The following NRXN3 variants were observed in gnomAD, a reference collection of about 807,000 sequenced individuals.
The protein encoded by NRXN3 is neurexin 3.
In NRXN3, 32 loss-of-function variants were observed where a neutral mutation model predicts 137.6. The observed-to-expected ratio is 0.23, with a 90% CI of 0.18 to 0.31. NRXN3 has a LOEUF of 0.31. NRXN3 is among the 10% of genes least tolerant of loss of function. NRXN3 has a pLI of 1.00. For missense variants in NRXN3, 1,574 were observed against 2,062.5 expected (o/e 0.76, Z 4.59); for synonymous variants, 798 against 784.5 (o/e 1.02, Z -0.29).
At chr14:79,477,103 G>T (rs1280953740) in intron 16 of NRXN3, among the ~76,000 whole-genome samples, 2 of 152,030 alleles carry the variant, frequency 1.3e-5, no homozygotes, top group East Asian at 3.9e-4. Context: ...TAAAAATACT[G>T]CTGGTTGCTG....
chr14:78,766,932 A>G (rs1458484282), intron 8 of NRXN3, among the ~76,000 whole-genome samples: 1 of 152,218 alleles, frequency 6.6e-6, no homozygotes, highest in Non-Finnish European at 1.5e-5. Context: ...AAGGTCCTCA[A>G]CACTCAGATT....
At chr14:79,558,717 A>G (rs944317657) in intron 16 of NRXN3, among the ~76,000 whole-genome samples, 1 of 152,134 alleles carries the variant, frequency 6.6e-6, no homozygotes, top group African/African-American at 2.4e-5. Context: ...GATTTTGGGA[A>G]TGGCAAATGA....
chr14:78,355,135 G>A (rs2084088125), intron 4 of NRXN3, among the ~76,000 whole-genome samples: 1 of 152,176 alleles, frequency 6.6e-6, no homozygotes, highest in Admixed American at 6.5e-5. Flanking sequence ...GTTTCCTCAT[G>A]TCCTTAACTA....
chr14:79,679,887 C>T (rs952810699), intron 17 of NRXN3, among the ~76,000 whole-genome samples: 1 of 152,126 alleles, frequency 6.6e-6, no homozygotes, highest in Non-Finnish European at 1.5e-5. Context: ...TGAGTCATGA[C>T]GTAACTATAA....
intron 15 of NRXN3, among the ~76,000 whole-genome samples, chr14:79,187,349 A>G (rs2153160817): frequency 6.6e-6 from 1 of 152,328 alleles, no homozygotes; most frequent in South Asian, 2.1e-4. Flanking sequence ...AAATGGTTCA[A>G]ATTCATTATC....
intron 15 of NRXN3, among the ~76,000 whole-genome samples, chr14:79,275,005 T>A (rs2080064631): frequency 6.6e-6 from 1 of 152,234 alleles, no homozygotes; most frequent in South Asian, 2.1e-4. Flanking sequence ...TTCTCTTCTA[T>A]ATCTCCAAAT....
At chr14:78,894,393 A>G (rs1000617156) in intron 10 of NRXN3, among the ~76,000 whole-genome samples, 38 of 151,954 alleles carry the variant, frequency 2.5e-4, no homozygotes, top group African/African-American at 9.2e-4. Context: ...GCTCATCTAT[A>G]GAAGCAACTC....
At chr14:78,871,596 A>G (rs373124514) in intron 10 of NRXN3, among the ~76,000 whole-genome samples, 1 of 152,120 alleles carries the variant, frequency 6.6e-6, no homozygotes, top group African/African-American at 2.4e-5. Context: ...ATTTGTGTGG[A>G]TTGATTTGTA....
At chr14:78,494,816 A>G (rs1370964430) in intron 4 of NRXN3, among the ~76,000 whole-genome samples, 1 of 152,086 alleles carries the variant, frequency 6.6e-6, no homozygotes, top group East Asian at 1.9e-4. Context: ...CTGTCATCCC[A>G]TCATTTTCTC....
At chr14:78,230,328 GTCTCTCTCTC>G (rs112795410) in intron 1 of NRXN3, among the ~76,000 whole-genome samples, 3 of 148,730 alleles carry the variant, frequency 2.0e-5, no homozygotes, top group Non-Finnish European at 3.0e-5. Context: ...GTCTCTGTCT[GTCTCTCTCTC>G]TCTCTCTCTC....
At chr14:78,990,743 A>C (rs1030727161) in intron 15 of NRXN3, among the ~76,000 whole-genome samples, 1 of 152,124 alleles carries the variant, frequency 6.6e-6, no homozygotes, top group Non-Finnish European at 1.5e-5. Flanking sequence ...TTTTAATGAA[A>C]TCCAACCAAA....
At chr14:78,383,282 A>T (rs1015806174) in intron 4 of NRXN3, among the ~76,000 whole-genome samples, 6 of 152,152 alleles carry the variant, frequency 3.9e-5, no homozygotes, top group Non-Finnish European at 5.9e-5. Flanking sequence ...TCCTCTGGCC[A>T]TGCTCATTTC....
intron 15 of NRXN3, among the ~76,000 whole-genome samples, chr14:78,995,931 T>C (rs1243776892): frequency 6.6e-6 from 1 of 152,170 alleles, no homozygotes; most frequent in Non-Finnish European, 1.5e-5. Flanking sequence ...ATGGAACATC[T>C]GTGCTGAACA....
intron 15 of NRXN3, among the ~76,000 whole-genome samples, chr14:79,427,650 G>T (rs2095675032): frequency 6.6e-6 from 1 of 152,020 alleles, no homozygotes; most frequent in African/African-American, 2.4e-5. Flanking sequence ...TGGCCAACAT[G>T]GTGAAACCCC....
chr14:78,633,192 T>G (rs1158963333), intron 4 of NRXN3, among the ~76,000 whole-genome samples: 1 of 141,004 alleles, frequency 7.1e-6, no homozygotes, highest in Non-Finnish European at 1.5e-5. Context: ...GAGGCAGAGC[T>G]TGCAGTGAGC....
chr14:79,378,712 C>T (rs374673661), intron 15 of NRXN3, among the ~76,000 whole-genome samples: 6 of 152,024 alleles, frequency 3.9e-5, no homozygotes, highest in East Asian at 3.9e-4. Context: ...GTAATGCTAG[C>T]GTTGACCTTA....
chr14:78,666,765 G>T (rs1367726309), intron 6 of NRXN3, among the ~76,000 whole-genome samples: 2 of 151,972 alleles, frequency 1.3e-5, no homozygotes, highest in Non-Finnish European at 2.9e-5. Flanking sequence ...TTCCACCTCT[G>T]TTCTCTCTGC....
At chr14:79,433,478 G>C (rs543207355) in intron 15 of NRXN3, among the ~76,000 whole-genome samples, 4 of 152,162 alleles carry the variant, frequency 2.6e-5, no homozygotes, top group African/African-American at 4.8e-5. Flanking sequence ...TAGTGTGTGG[G>C]TAGGTCTTTG....
At chr14:78,736,538 A>G (rs2098542035) in intron 8 of NRXN3, among the ~76,000 whole-genome samples, 2 of 152,198 alleles carry the variant, frequency 1.3e-5, no homozygotes, top group Non-Finnish European at 2.9e-5. Context: ...GCCCCATTTA[A>G]TCCTTATGCC....
Sources: gnomAD v4.1 joint callset for allele counts (sites outside exome capture counted in the v4.1 genomes callset) on GRCh38, gnomAD v4.1.1 for gene constraint, MANE v1.5 for transcripts, NCBI Gene and HGNC (gene_info 2026-07-23, HGNC 2026-07-21) for gene names.